CSRNP3: variants seen among roughly 807,000 people sequenced by gnomAD.
The protein encoded by CSRNP3 is cysteine and serine rich nuclear protein 3, also known as cysteine/serine-rich nuclear protein 3.
A neutral mutation model predicts 48.0 loss-of-function variants in CSRNP3; 12 were observed. The ratio of observed to expected loss-of-function variants is 0.25; its 90% confidence interval spans 0.16 to 0.41. The LOEUF is 0.41. Among genes scored for constraint, CSRNP3 ranks in the 10% least tolerant of loss-of-function variants. The probability of loss-of-function intolerance (pLI) is 1.00; values close to 1 mark genes in which losing one functional copy is unlikely to be tolerated. For synonymous variants in CSRNP3, 263 were observed against 269.7 expected, an observed-to-expected ratio of 0.98 and a Z score of 0.24; for missense variants, 580 against 724.4, an observed-to-expected ratio of 0.80 and a Z score of 2.29.
At position 165,520,690 on chromosome 2, in the gene CSRNP3, GTATCTATC is replaced by G. The variant is rs66559803; in HGVS notation, c.-24+2743_-24+2750del. On this transcript the variant is annotated intron_variant, in intron 3 of 6. Transcript: ENST00000651982. ...TCACAATTATTTAGAGGCTCTCTCT[GTATCTATC>G]TATCTATCTATCTGTCTATCTATAT... 3.1e-3 allele frequency among the ~76,000 whole-genome samples: 436 copies of G among 139,976 alleles called. 4 individuals are homozygous for G. The highest frequency in any genetic ancestry group is 0.011 in the African/African-American group (405 of 37,752). The allele number at this position is 139,976 out of a possible 152,430, so 91.8% of individuals were successfully genotyped here.
At chr2:165,663,436 G>A (rs1354476948) in intron 5 of CSRNP3, among the ~76,000 whole-genome samples, 2 of 152,144 alleles carry the variant, frequency 1.3e-5, no homozygotes, top group Non-Finnish European at 2.9e-5. Flanking sequence ...ACTTTGATGT[G>A]CTCAATACCT....
intron 6 of CSRNP3, among the ~76,000 whole-genome samples, chr2:165,677,465 A>G (rs772820706): frequency 3.3e-5 from 5 of 152,080 alleles, no homozygotes; most frequent in Non-Finnish European, 7.4e-5. Context: ...TAGTGTCACT[A>G]TTTTATGCAG....
chr2:165,614,495 G>T (rs1686197310), intron 4 of CSRNP3, among the ~76,000 whole-genome samples: 1 of 152,136 alleles, frequency 6.6e-6, no homozygotes, highest in African/African-American at 2.4e-5. Flanking sequence ...GGGCATCCTT[G>T]TCTTTTTCCC....
At chr2:165,675,147 A>G (rs75941970) in intron 5 of CSRNP3, among the ~76,000 whole-genome samples, 5 of 152,216 alleles carry the variant, frequency 3.3e-5, no homozygotes, top group Non-Finnish European at 5.9e-5. Flanking sequence ...GATTTTTTCT[A>G]ATAAAAATTC....
chr2:165,490,157 GACAA>G (rs1313802400), intron 1 of CSRNP3, among the ~76,000 whole-genome samples: 4 of 148,216 alleles, frequency 2.7e-5, no homozygotes, highest in Non-Finnish European at 6.0e-5. Flanking sequence ...ACCAACAACA[GACAA>G]ACAGAGAGCC....
chr2:165,496,277 G>T (rs1036225141), intron 2 of CSRNP3, among the ~76,000 whole-genome samples: 1 of 152,022 alleles, frequency 6.6e-6, no homozygotes, highest in Non-Finnish European at 1.5e-5. Flanking sequence ...CTCCAGTTAC[G>T]TGGAAAAGTT....
chr2:165,619,921 G>A (rs1262748245), intron 4 of CSRNP3, among the ~76,000 whole-genome samples: 1 of 152,100 alleles, frequency 6.6e-6, no homozygotes, highest in African/African-American at 2.4e-5. Context: ...TTCTTAGTAA[G>A]AGCAAGACTT....
chr2:165,572,790 A>C (rs1236834074), intron 3 of CSRNP3, among the ~76,000 whole-genome samples: 2 of 152,224 alleles, frequency 1.3e-5, no homozygotes, highest in African/African-American at 2.4e-5. Flanking sequence ...TCATTATATT[A>C]AACTGAAAAG....
chr2:165,659,245 G>A (rs1348830082), intron 5 of CSRNP3, among the ~76,000 whole-genome samples: 1 of 152,100 alleles, frequency 6.6e-6, no homozygotes, highest in Non-Finnish European at 1.5e-5. Context: ...GGTGACAGTA[G>A]GTTATATTAG....
At chr2:165,495,651 A>G (rs937957243) in intron 2 of CSRNP3, among the ~76,000 whole-genome samples, 1 of 152,074 alleles carries the variant, frequency 6.6e-6, no homozygotes, top group African/African-American at 2.4e-5. Context: ...GGGAAAAGGA[A>G]TCTCAAAATT....
intron 4 of CSRNP3, among the ~76,000 whole-genome samples, chr2:165,611,419 T>G (rs1158937175): frequency 1.3e-5 from 2 of 151,822 alleles, no homozygotes; most frequent in African/African-American, 4.8e-5. Flanking sequence ...TTTGAAACAT[T>G]ATGTTGTACA....
intron 5 of CSRNP3, among the ~76,000 whole-genome samples, chr2:165,667,500 ACT>A (rs1687255182): frequency 6.6e-6 from 1 of 152,006 alleles, no homozygotes; most frequent in Admixed American, 6.6e-5. Flanking sequence ...TTACTCCATG[ACT>A]CTTCAAAACT....
chr2:165,501,249 A>G lies in CSRNP3; in HGVS notation c.-113+6321A>G, dbSNP rs370411928. ...TAGGCATAAAGCTAGAGAGGCTGCA[A>G]AAGGAAACCTAGGGAGTTAAGTTAA... On this transcript the variant is annotated intron_variant, in intron 2 of 6. Coordinates refer to ENST00000651982, the MANE Select transcript of CSRNP3 (RefSeq NM_001172173.2). Among the ~76,000 whole-genome samples, 12 of 152,138 alleles carry G rather than the reference A, an allele frequency of 7.9e-5. No homozygotes were observed. The East Asian group carries it at 9.6e-4, about 12-fold the overall frequency.
At position 165,685,971 on chromosome 2, in the gene CSRNP3, A is replaced by G. The variant is rs777616608; in HGVS notation, c.*6218A>G. 11 of 152,106 alleles carry G rather than the reference A, an allele frequency of 7.2e-5. No individual in the cohort carries two copies. The highest frequency in any genetic ancestry group is 1.3e-4 in the Non-Finnish European group (9 of 67,974). 9.4% of individuals were successfully genotyped at this position (152,106 alleles called of 1,614,324 possible). ...ATATTGATTAGAAAGGGTTAGAAGGAGACAAATTTATGGTAGAAATTAGCC... is the reference window on the plus strand; with the variant it reads ...ATATTGATTAGAAAGGGTTAGAAGGGGACAAATTTATGGTAGAAATTAGCC... On this transcript the variant is annotated 3_prime_UTR_variant, in exon 7 of 7. Transcript: ENST00000651982.
chr2:165,552,468 T>A (rs1367212225), intron 3 of CSRNP3, among the ~76,000 whole-genome samples: 2 of 152,122 alleles, frequency 1.3e-5, no homozygotes, highest in Admixed American at 1.3e-4. Flanking sequence ...GTGGACGCAA[T>A]AGGATAATAA....
At chr2:165,652,450 G>C (rs924723589) in intron 4 of CSRNP3, among the ~76,000 whole-genome samples, 1 of 150,434 alleles carries the variant, frequency 6.6e-6, no homozygotes, top group Admixed American at 6.6e-5. Flanking sequence ...AGTGAGTTGA[G>C]ATCGCACCAC....
chr2:165,523,511 T>A (rs1684691023), intron 3 of CSRNP3, among the ~76,000 whole-genome samples: 1 of 152,188 alleles, frequency 6.6e-6, no homozygotes, highest in African/African-American at 2.4e-5. Flanking sequence ...TCTAACCCCA[T>A]TTAACAGAGC....
At chr2:165,617,317 G>A (rs573657059) in intron 4 of CSRNP3, among the ~76,000 whole-genome samples, 2 of 152,300 alleles carry the variant, frequency 1.3e-5, no homozygotes, top group South Asian at 2.1e-4. Flanking sequence ...CATATGGAAA[G>A]AATTTTTCTT....
intron 3 of CSRNP3, among the ~76,000 whole-genome samples, chr2:165,586,744 A>T (rs1685640007): frequency 6.6e-6 from 1 of 152,238 alleles, no homozygotes; most frequent in South Asian, 2.1e-4. Context: ...GGATAGTAAG[A>T]ACTAAATGAG....
Sources: allele counts gnomAD v4.1 joint callset (sites outside exome capture counted in the v4.1 genomes callset), GRCh38; gene constraint gnomAD v4.1.1; transcripts MANE v1.5; gene names NCBI Gene and HGNC (gene_info 2026-07-23, HGNC 2026-07-21).